Variants in PAK6 observed in about 807,000 individuals in gnomAD.
The protein encoded by PAK6 is p21 (RAC1) activated kinase 6.
A neutral mutation model predicts 60.8 loss-of-function variants in PAK6; 33 were observed. The ratio of observed to expected loss-of-function variants is 0.54; its 90% CI spans 0.41 to 0.73. The LOEUF (loss-of-function observed/expected upper bound fraction) is 0.73. PAK6 is among the 30% of genes least tolerant of loss of function. The probability of loss-of-function intolerance (pLI) is 0.00; values close to 1 mark genes in which losing one functional copy is unlikely to be tolerated. For missense variants in PAK6, 845 were observed against 904.1 expected, an observed-to-expected ratio of 0.93 and a Z score of 0.84; for synonymous variants, 404 against 378.5, an observed-to-expected ratio of 1.07 and a Z score of -0.78.
chr15:40,252,961 G>A, intron 2 of PAK6: 1 of 767,506 alleles, frequency 1.3e-6, no homozygotes, highest in Non-Finnish European at 1.8e-6. Flanking sequence ...TCGGAGTGTG[G>A]CTGGAGAGGG....
At chr15:40,246,199 A>G (rs1483842675) in intron 2 of PAK6, 1 of 152,294 alleles carries the variant, frequency 6.6e-6, no homozygotes, top group Non-Finnish European at 1.5e-5. Flanking sequence ...GATGAGTGCC[A>G]GAGATGAAAC....
At chr15:40,264,847 G>A (rs547614545) in exon 4 of PAK6, 34 of 1,613,992 alleles carry the variant, frequency 2.1e-5, no homozygotes, top group East Asian at 4.5e-5. Flanking sequence ...TTCCAGCACC[G>A]TGTCCACACC....
At chr15:40,265,048 T>C (rs2039084113) in intron 4 of PAK6, 59 bp downstream of exon 4, 2 of 1,513,200 alleles carry the variant, frequency 1.3e-6, no homozygotes, top group South Asian at 1.2e-5. Context: ...CAACCATGCC[T>C]GGCTAAACCT....
intron 9 of PAK6, 125 bp downstream of exon 9, chr15:40,273,801 C>T: frequency 1.7e-6 from 2 of 1,152,200 alleles, no homozygotes; most frequent in East Asian, 2.4e-5. Context: ...ACCTAGTCAA[C>T]ACCCTTCCCC....
At chr15:40,246,911 C>G (rs988179410) in intron 2 of PAK6, 4 of 152,356 alleles carry the variant, frequency 2.6e-5, no homozygotes, top group South Asian at 2.1e-4. Flanking sequence ...GCTGCACAGC[C>G]CAGAGCCTGT....
intron 3 of PAK6, among the ~76,000 whole-genome samples, chr15:40,254,271 T>C (rs2038776118): frequency 6.6e-6 from 1 of 152,270 alleles, no homozygotes; most frequent in East Asian, 1.9e-4. Context: ...CCAGCTGCTA[T>C]GTTGGGAAGG....
intron 2 of PAK6, chr15:40,252,106 G>C (rs1273010298): frequency 2.7e-6 from 1 of 368,450 alleles, no homozygotes; most frequent in Non-Finnish European, 4.8e-6. Context: ...GCACAGTCTT[G>C]GGGCCCTGTC....
chr15:40,247,525 A>C (rs1194383308), intron 2 of PAK6, among the ~76,000 whole-genome samples: 1 of 152,080 alleles, frequency 6.6e-6, no homozygotes, highest in East Asian at 1.9e-4. Flanking sequence ...ACTGTCAGGC[A>C]GGTTTAGCCC....
chr15:40,265,045 G>T, intron 4 of PAK6, 56 bp downstream of exon 4: 1 of 1,532,806 alleles, frequency 6.5e-7, no homozygotes, highest in Non-Finnish European at 8.9e-7. Flanking sequence ...AGACAACCAT[G>T]CCTGGCTAAA....
At chr15:40,245,156 TC>T (rs2038463764) in intron 2 of PAK6, 1 of 152,380 alleles carries the variant, frequency 6.6e-6, no homozygotes, top group Admixed American at 6.5e-5. Context: ...CAGAGCTGTG[TC>T]CTTCAGGCTG....
intron 3 of PAK6, among the ~76,000 whole-genome samples, chr15:40,264,198 A>G (rs2039057129): frequency 6.6e-6 from 1 of 152,104 alleles, no homozygotes; most frequent in Non-Finnish European, 1.5e-5. Context: ...AGGTTCAACC[A>G]TCCTGGGACA....
At chr15:40,271,578 A>G (rs1248733187) in intron 5 of PAK6, among the ~76,000 whole-genome samples, 1 of 152,172 alleles carries the variant, frequency 6.6e-6, no homozygotes, top group African/African-American at 2.4e-5. Flanking sequence ...AGCCCAGGGG[A>G]GACACCTGAG....
intron 2 of PAK6, among the ~76,000 whole-genome samples, chr15:40,244,709 C>T (rs2038451815): frequency 6.6e-6 from 1 of 152,112 alleles, no homozygotes. Context: ...GCTTTTTCTA[C>T]AAAGGATTAT....
In PAK6 at chr15:40,272,158, G is replaced by A. The variant is rs1595601717; in HGVS notation, c.859-66G>A. 1.9e-6 allele frequency: 3 copies of A among 1,539,252 alleles called. No individual in the cohort carries two copies. In the East Asian group the frequency reaches 6.8e-5, roughly 35 times the overall value. On this transcript the variant is annotated intron_variant, in intron 5 of 10. Transcript: ENST00000560346. ...CCAGAGGTCACGGCGGCCAGCCCCT[G>A]CCTCCGGGAAGGTTATTCCAAATGC...
intron 2 of PAK6, chr15:40,252,715 G>A: frequency 1.5e-6 from 2 of 1,304,040 alleles, no homozygotes; most frequent in Non-Finnish European, 2.0e-6. Context: ...CTGCCCCGGA[G>A]GTTCGCGGCG....
chr15:40,251,440 A>G lies in PAK6; in HGVS notation c.-117-1738A>G, dbSNP rs200225996. 8 of 152,474 alleles carry G rather than the reference A, an allele frequency of 5.2e-5. 1 individual carries two copies. The highest frequency in any genetic ancestry group is 1.9e-4 in the African/African-American group (8 of 41,562). The allele number at this position is 152,474 out of a possible 1,614,324, so 9.4% of individuals were successfully genotyped here. A position where few individuals can be genotyped will look rare whatever the true frequency, so the allele number is the denominator to read the frequency against. On this transcript the variant is annotated intron_variant, in intron 2 of 10. Transcript: ENST00000560346. ...TTAGAGTAAATTGTGTGAAACCAAT[A>G]CAGCCTATAATGCAAAAGATTGAGC...
intron 2 of PAK6, among the ~76,000 whole-genome samples, chr15:40,248,148 T>A (rs2038547994): frequency 6.6e-6 from 1 of 152,166 alleles, no homozygotes; most frequent in Non-Finnish European, 1.5e-5. Context: ...ACTCCATGGC[T>A]CTGCAGCTAG....
rs529628753 is a variant in PAK6, at chr15:40,264,036, C to A, written c.-5-745C>A. On this transcript the variant is annotated intron_variant, in intron 3 of 10. Coordinates refer to ENST00000560346, the Ensembl canonical transcript of PAK6. ...TTAGCTGCCCCTCACCCACCCCAGG[C>A]TATCCTCTTGGCTCAGGGCCTTTCT... The A allele has an allele frequency of 2.5e-5, 11 of 441,546 alleles. No individual in the cohort carries two copies. The East Asian group carries it at 7.7e-4, about 31-fold the overall frequency. 27.4% of individuals were successfully genotyped at this position (441,546 alleles called of 1,614,324 possible).
intron 2 of PAK6, among the ~76,000 whole-genome samples, chr15:40,244,599 T>G (rs898726673): frequency 6.6e-6 from 1 of 151,884 alleles, no homozygotes; most frequent in African/African-American, 2.4e-5. Flanking sequence ...GGTTTCACTA[T>G]GTTGGCCAGG....
Sources: allele counts gnomAD v4.1 joint callset (sites outside exome capture counted in the v4.1 genomes callset), GRCh38; gene constraint gnomAD v4.1.1; transcripts MANE v1.5; gene names NCBI Gene and HGNC (gene_info 2026-07-23, HGNC 2026-07-21).